POU6F2: variants seen among roughly 807,000 people sequenced by gnomAD.
The protein encoded by POU6F2 is POU domain, class 6, transcription factor 2.
Under a neutral mutation model 71.3 loss-of-function variants are expected in POU6F2, and 31 were observed. The ratio of observed to expected loss-of-function variants is 0.43; its 90% CI spans 0.33 to 0.59. The LOEUF (loss-of-function observed/expected upper bound fraction) is 0.59. Ranked by LOEUF, POU6F2 falls within the 20% of genes least tolerant of loss-of-function variation. The probability of loss-of-function intolerance (pLI) is 0.04; values close to 1 mark genes in which losing one functional copy is unlikely to be tolerated. For synonymous variants in POU6F2, 347 were observed against 355.7 expected (o/e 0.98, Z 0.27); for missense variants, 783 against 856.8 (o/e 0.91, Z 1.07).
At chr7:39,229,888 G>A (rs1467410569) in intron 4 of POU6F2, among the ~76,000 whole-genome samples, 1 of 152,168 alleles carries the variant, frequency 6.6e-6, no homozygotes, top group Non-Finnish European at 1.5e-5. Context: ...CTCACATGCA[G>A]CTCACGTTTA....
chr7:39,202,239 T>C (rs1212903738), intron 2 of POU6F2, among the ~76,000 whole-genome samples: 1 of 152,148 alleles, frequency 6.6e-6, no homozygotes, highest in East Asian at 1.9e-4. Context: ...AACATTACAA[T>C]GGCATGCATT....
At chr7:39,008,968 C>T (rs1453437935) in intron 1 of POU6F2, among the ~76,000 whole-genome samples, 1 of 152,114 alleles carries the variant, frequency 6.6e-6, no homozygotes, top group Non-Finnish European at 1.5e-5. Flanking sequence ...ATGCCTCCAG[C>T]TTTGTTCTTT....
At chr7:39,447,356 G>C (rs1187047197) in intron 7 of POU6F2, among the ~76,000 whole-genome samples, 1 of 152,128 alleles carries the variant, frequency 6.6e-6, no homozygotes. Flanking sequence ...CCAGCTCCCT[G>C]CTGTTTCCCT....
At chr7:39,264,262 T>G (rs1445927604) in intron 4 of POU6F2, among the ~76,000 whole-genome samples, 1 of 152,212 alleles carries the variant, frequency 6.6e-6, no homozygotes, top group African/African-American at 2.4e-5. Context: ...ATACAGTAAG[T>G]GCTCTATTGG....
At chr7:39,015,700 T>TATATGGATATATAACATATAGATATA (rs1554308030) in intron 1 of POU6F2, among the ~76,000 whole-genome samples, 1 of 84,486 alleles carries the variant, frequency 1.2e-5, no homozygotes, top group African/African-American at 4.7e-5. Context: ...CTATATATTA[T>TATATGGATATATAACATATAGATATA]ATATATCTAT....
At chr7:39,127,869 G>T (rs1792173697) in intron 2 of POU6F2, among the ~76,000 whole-genome samples, 1 of 138,200 alleles carries the variant, frequency 7.2e-6, no homozygotes, top group Admixed American at 7.5e-5. Context: ...TTGAGACGGA[G>T]TCTTGCTCTG....
intron 6 of POU6F2, among the ~76,000 whole-genome samples, chr7:39,411,687 G>A (rs985542731): frequency 6.6e-6 from 1 of 152,250 alleles, no homozygotes. Flanking sequence ...CTGGATCTGT[G>A]TAGGATAGGG....
In POU6F2 at chr7:39,327,107, G is replaced by A. The variant is rs575801672; in HGVS notation, c.599-12535G>A. On this transcript the variant is annotated intron_variant, in intron 4 of 9. Transcript: ENST00000518318. ...ATCCTGGCTAACACTGTGAAACCCC[G>A]TCTCTACTAAAAATACAAAAAATCA... is the stretch of plus-strand genomic sequence containing the variant. Among the ~76,000 whole-genome samples the A allele has an allele frequency of 1.1e-3, 171 of 152,016 alleles. 1 individual carries two copies. Among genetic ancestry groups the A allele is most frequent in the African/African-American group, 4.0e-3 (167 of 41,460 alleles).
intron 5 of POU6F2, among the ~76,000 whole-genome samples, chr7:39,399,967 C>G (rs1787262038): frequency 6.6e-6 from 1 of 152,196 alleles, no homozygotes; most frequent in Non-Finnish European, 1.5e-5. Flanking sequence ...CCCTCCCAGC[C>G]CATGGATACA....
chr7:39,441,202 G>A (rs534921841), intron 7 of POU6F2, among the ~76,000 whole-genome samples: 19 of 151,678 alleles, frequency 1.3e-4, no homozygotes, highest in Non-Finnish European at 2.4e-4. Context: ...CCTGTTAAAC[G>A]TGTAAAAGGT....
rs558760117 is a variant in POU6F2, at chr7:39,149,143, G to A, written c.278-55092G>A. Among the ~76,000 whole-genome samples the A allele has an allele frequency of 2.0e-5, 3 of 152,260 alleles. No individual in the cohort carries two copies. In the East Asian group the frequency reaches 5.8e-4, roughly 29 times the overall value. On this transcript the variant is annotated intron_variant, in intron 2 of 9. Transcript: ENST00000518318. The stretch of plus-strand genomic sequence containing the variant: ...GAGGCTCTCCTGAGTTCTGGATGAT[G>A]TGGTGCCTTATTCTCACTCCATTCC...
At chr7:39,212,266 G>A (rs1367573190) in intron 4 of POU6F2, among the ~76,000 whole-genome samples, 1 of 152,184 alleles carries the variant, frequency 6.6e-6, no homozygotes, top group Admixed American at 6.5e-5. Context: ...GGCAGGTAAG[G>A]CAGGCTGGAC....
Position 39,433,200 on chromosome 7 carries a change from A to C in POU6F2, c.1237A>C (p.Ile413Leu). 6.2e-7 allele frequency: 1 copy of C among 1,613,882 alleles called. No homozygotes were observed. The highest frequency in any genetic ancestry group is 1.3e-5 in the African/African-American group (1 of 75,024). Residue 413 changes from isoleucine to leucine, a missense_variant, in exon 7 of 10, where the codon ATC becomes CTC. Around this residue, in one of 2 missense-constraint regions of POU6F2, gnomAD observed 572 missense variants for 572.9 expected, o/e 1.00. Transcript: ENST00000518318. ...QLLTNAQGQIIATVIGNQILP... is the reference protein window; with the variant it reads ...QLLTNAQGQILATVIGNQILP... ...CCTCACAAACGCCCAGGGCCAGATC[A>C]TCGCCACAGTCATTGGGAACCAGAT...
At position 39,448,869 on chromosome 7, in the gene POU6F2, AG is replaced by A. The variant is rs1788587460; in HGVS notation, c.1321-2659del. On this transcript the variant is annotated intron_variant, in intron 7 of 9. Transcript: ENST00000518318. Reference sequence around the variant, plus strand: ...TTAGAAGGACAACTCAATACGTTATAGGGGGTAGATTGACATGCAAATATCC... The same window carrying A: ...TTAGAAGGACAACTCAATACGTTATAGGGGTAGATTGACATGCAAATATCC... Among the ~76,000 whole-genome samples the A allele has an allele frequency of 3.9e-5, 6 of 152,350 alleles. No individual in the cohort carries two copies. The South Asian group carries it at 1.2e-3, about 32-fold the overall frequency.
intron 1 of POU6F2, among the ~76,000 whole-genome samples, chr7:39,012,025 T>C (rs1195212144): frequency 2.0e-5 from 3 of 152,014 alleles, no homozygotes; most frequent in African/African-American, 4.8e-5. Flanking sequence ...TCTCGAGGAG[T>C]ATCTTTGTGG....
At chr7:39,233,818 G>A (rs150178663) in intron 4 of POU6F2, among the ~76,000 whole-genome samples, 4 of 152,186 alleles carry the variant, frequency 2.6e-5, no homozygotes, top group East Asian at 1.9e-4. Context: ...TGTAAAACCC[G>A]GTCACTTTAA....
intron 2 of POU6F2, among the ~76,000 whole-genome samples, chr7:39,145,025 C>T (rs1273283713): frequency 6.6e-6 from 1 of 152,186 alleles, no homozygotes; most frequent in East Asian, 1.9e-4. Context: ...CACATAGCAG[C>T]ACATTTGGTC....
intron 1 of POU6F2, among the ~76,000 whole-genome samples, chr7:39,077,453 T>G (rs556448048): frequency 6.6e-5 from 10 of 152,344 alleles, no homozygotes; most frequent in African/African-American, 2.2e-4. Flanking sequence ...TCTACAGGTT[T>G]GCATTGATGA....
rs193043332 is a variant in POU6F2, at chr7:39,450,756, G to A, written c.1321-777G>A. Among the ~76,000 whole-genome samples the A allele has an allele frequency of 4.4e-3, 667 of 152,242 alleles. 3 individuals carry two copies. The highest frequency in any genetic ancestry group is 0.019 in the South Asian group (92 of 4,812). The stretch of plus-strand genomic sequence containing the variant: ...CGTGTGTCCAGAGACCAGCTCCTCC[G>A]CACTTGCTGGCTGAACCTATAAAAT... On this transcript the variant is annotated intron_variant, in intron 7 of 9. Transcript: ENST00000518318.
Sources: gnomAD v4.1 joint callset for allele counts (sites outside exome capture counted in the v4.1 genomes callset) on GRCh38, gnomAD v4.1.1 for gene constraint, gnomAD v4.1.1 regional missense constraint, MANE v1.5 for transcripts, NCBI Gene and HGNC (gene_info 2026-07-23, HGNC 2026-07-21) for gene names.